Variants in TIRAP observed in about 807,000 individuals in gnomAD.
TIRAP encodes toll/interleukin-1 receptor domain-containing adapter protein.
In TIRAP, 20 loss-of-function variants were observed where a neutral mutation model predicts 19.8. That is an observed-to-expected ratio of 1.01 (90% CI 0.71 to 1.47). The LOEUF is 1.47. TIRAP is among the 40% of genes most tolerant of loss of function. The pLI is 0.00. For synonymous variants in TIRAP, 125 were observed against 121.7 expected, an observed-to-expected ratio of 1.03 and a Z score of -0.18; for missense variants, 276 against 285.1, an observed-to-expected ratio of 0.97 and a Z score of 0.23.
intron 1 of TIRAP, chr11:126,289,522 G>T (rs529873587): frequency 2.6e-6 from 1 of 383,404 alleles, no homozygotes; most frequent in Non-Finnish European, 3.6e-6. Context: ...CAGGTGATCC[G>T]CCGCCTTGGC....
Position 126,290,580 on chromosome 11 carries a change from T to C in TIRAP, c.-98T>C, listed in dbSNP as rs1408583737. On this transcript the variant is annotated 5_prime_UTR_variant, in exon 2 of 5. Coordinates refer to ENST00000392679, the MANE Select transcript of TIRAP (RefSeq NM_001318777.2). This position sits in a 1 kb window ranked among gnomAD's most constrained non-coding sequence, Gnocchi z 4.9. ...TCCTCAGCTGGTCATGCTGAGCTCA[T>C]ACCCTGTAAGTCTGACCACACTACA... is the stretch of plus-strand genomic sequence containing the variant. The C allele has an allele frequency of 4.5e-6, 5 of 1,099,046 alleles. No individual in the cohort carries two copies. Among genetic ancestry groups the C allele is most frequent in the South Asian group, 3.5e-5 (1 of 28,344 alleles). 68.1% of individuals were successfully genotyped at this position (1,099,046 alleles called of 1,614,324 possible). A position where few individuals can be genotyped will look rare whatever the true frequency, so the allele number is the denominator to read the frequency against.
chr11:126,290,706 G>T lies in TIRAP; in HGVS notation c.-92-97G>T. On this transcript the variant is annotated intron_variant, in intron 2 of 4. Coordinates refer to ENST00000392679, the MANE Select transcript of TIRAP (RefSeq NM_001318777.2). The surrounding 1 kb of genome is among the most constrained non-coding windows in gnomAD (Gnocchi z 4.9). ...CATTTAGAGAAGAAGCCTCTGTCAG[G>T]CATTAGGAGAGAAACAGAACTTCGC... 1.5e-6 allele frequency: 2 copies of T among 1,375,076 alleles called. No individual in the cohort carries two copies. The highest frequency in any genetic ancestry group is 1.9e-6 in the Non-Finnish European group (2 of 1,067,576). 85.2% of individuals were successfully genotyped at this position (1,375,076 alleles called of 1,614,324 possible).
chr11:126,288,308 T>C lies in TIRAP; in HGVS notation c.-216-2154T>C. 6.6e-6 allele frequency: 1 copy of C among 152,256 alleles called. No homozygotes were observed. Among genetic ancestry groups the C allele is most frequent in the Non-Finnish European group, 1.5e-5 (1 of 68,050 alleles). The allele number at this position is 152,256 out of a possible 1,614,324, so 9.4% of individuals were successfully genotyped here. A position where few individuals can be genotyped will look rare whatever the true frequency, so the allele number is the denominator to read the frequency against. On this transcript the variant is annotated intron_variant, in intron 1 of 4. Transcript: ENST00000392679. The surrounding 1 kb of genome is among the most constrained non-coding windows in gnomAD (Gnocchi z 5.0). ...TTAGACCACACAGCAAATCAGAGAA[T>C]AGGCAGAGCTAGTGAGTAGAGCTTC...
Position 126,285,261 on chromosome 11 carries a change from A to AT in TIRAP, c.-217+2108_-217+2109insT, listed in dbSNP as rs776825456. ...TGTGTGTGTATATATATATATATATAATATATATTTTATTTGATTTTTGAG... is the reference window on the plus strand; with the variant it reads ...TGTGTGTGTATATATATATATATATATATATATATTTTATTTGATTTTTGAG... On this transcript the variant is annotated intron_variant, in intron 1 of 4. Coordinates refer to ENST00000392679, the MANE Select transcript of TIRAP (RefSeq NM_001318777.2). 3.5e-4 allele frequency among the ~76,000 whole-genome samples: 18 copies of AT among 51,262 alleles called. No homozygotes were observed. The East Asian group carries it at 4.3e-3, about 12-fold the overall frequency. The allele number at this position is 51,262 out of a possible 152,430, so 33.6% of individuals were successfully genotyped here.
At chr11:126,293,383 G>A (rs1178199652) in intron 4 of TIRAP, 1 of 704,922 alleles carries the variant, frequency 1.4e-6, no homozygotes, top group South Asian at 1.5e-5. Flanking sequence ...AGGTCCTCAA[G>A]TTAATAGCTA....
chr11:126,291,464 G>T lies in TIRAP; in HGVS notation c.67+503G>T. 1 of 1,311,750 alleles carries T rather than the reference G, an allele frequency of 7.6e-7. No individual in the cohort carries two copies. The highest frequency in any genetic ancestry group is 1.0e-6 in the Non-Finnish European group (1 of 993,266). The allele number at this position is 1,311,750 out of a possible 1,614,324, so 81.3% of individuals were successfully genotyped here. A position where few individuals can be genotyped will look rare whatever the true frequency, so the allele number is the denominator to read the frequency against. ...ACCCTGCTGAAGAAGCCCAAGAAGA[G>T]GCCCGGCTCCCTGACATACCTGACA... On this transcript the variant is annotated intron_variant, in intron 3 of 4. Transcript: ENST00000392679. The surrounding 1 kb of genome is among the most constrained non-coding windows in gnomAD (Gnocchi z 5.6).
intron 1 of TIRAP, 36 bp downstream of exon 1, chr11:126,283,189 C>G: frequency 3.1e-6 from 3 of 965,724 alleles, no homozygotes; most frequent in Non-Finnish European, 3.7e-6. Context: ...GACCGGGAGG[C>G]GCGGCGGGGC....
At chr11:126,293,243 C>A (rs1951430842) in intron 4 of TIRAP, 188 bp downstream of exon 4, 2 of 1,038,810 alleles carry the variant, frequency 1.9e-6, no homozygotes, top group South Asian at 1.4e-5. Context: ...GTTACTCACC[C>A]GCTCTGTGCC....
Position 126,292,798 on chromosome 11 carries a change from T to C in TIRAP, c.389T>C (p.Val130Ala). ...LRDATPGGAI[V>A]SELCQALSSS... ...GATGCAACCCCAGGCGGCGCTATAG[T>C]GTCCGAGCTGTGCCAGGCACTGAGC... Residue 130 changes from valine to alanine, a missense_variant, in exon 4 of 5, where the codon GTG becomes GCG. Transcript: ENST00000392679. 3.1e-6 allele frequency: 5 copies of C among 1,612,914 alleles called. No individual in the cohort carries two copies. The highest frequency in any genetic ancestry group is 4.2e-6 in the Non-Finnish European group (5 of 1,179,814).
rs374738895 is a variant in TIRAP at position 126,290,314 on chromosome 11, T to C, written c.-216-148T>C. Reference sequence around the variant, plus strand: ...GACGGCTGCAGGGGCGATGGGTCTATGGATGGAGTTATTCAGGGGGAGGCA... The same window carrying C: ...GACGGCTGCAGGGGCGATGGGTCTACGGATGGAGTTATTCAGGGGGAGGCA... On this transcript the variant is annotated intron_variant, in intron 1 of 4. Coordinates refer to ENST00000392679, the MANE Select transcript of TIRAP (RefSeq NM_001318777.2). This position sits in a 1 kb window ranked among gnomAD's most constrained non-coding sequence, Gnocchi z 4.9. The C allele has an allele frequency of 1.6e-4, 81 of 518,142 alleles. No homozygotes were observed. In the East Asian group the frequency reaches 9.2e-3, roughly 59 times the overall value. 32.1% of individuals were successfully genotyped at this position (518,142 alleles called of 1,614,324 possible). A position where few individuals can be genotyped will look rare whatever the true frequency, so the allele number is the denominator to read the frequency against.
Position 126,291,751 on chromosome 11 carries a change from C to T in TIRAP, c.68-726C>T, listed in dbSNP as rs1383014040. 6.6e-6 allele frequency among the ~76,000 whole-genome samples: 1 copy of T among 151,904 alleles called. No homozygotes were observed. Among genetic ancestry groups the T allele is most frequent in the East Asian group, 1.9e-4 (1 of 5,192 alleles). ...ACCTCCCCTCAGTGCTGAAAGTGGGCTTTGGGACTGATGGATCCTTGCTAG... is the reference window on the plus strand; with the variant it reads ...ACCTCCCCTCAGTGCTGAAAGTGGGTTTTGGGACTGATGGATCCTTGCTAG... On this transcript the variant is annotated intron_variant, in intron 3 of 4. Transcript: ENST00000392679. This position sits in a 1 kb window ranked among gnomAD's most constrained non-coding sequence, Gnocchi z 5.6.
At chr11:126,284,212 T>A (rs111690127) in intron 1 of TIRAP, among the ~76,000 whole-genome samples, 18,263 of 151,970 alleles carry the variant, frequency 0.12, 1,120 homozygotes, top group African/African-American at 0.14. Flanking sequence ...TGTTGCATTT[T>A]CAGTAGCGAC....
intron 1 of TIRAP, 139 bp downstream of exon 1, chr11:126,283,292 C>G (rs1241334492): frequency 1.3e-5 from 4 of 319,718 alleles, no homozygotes; most frequent in Non-Finnish European, 1.4e-5. Context: ...TCTGGTCCGG[C>G]CTTGCCCTGC....
rs1037637562 is a variant in TIRAP at position 126,291,017 on chromosome 11, C to T, written c.67+56C>T. 3.7e-5 allele frequency: 57 copies of T among 1,547,898 alleles called. No individual in the cohort carries two copies. The highest frequency in any genetic ancestry group is 5.5e-5 in the African/African-American group (4 of 72,856). On this transcript the variant is annotated intron_variant, in intron 3 of 4. Transcript: ENST00000392679. This position sits in a 1 kb window ranked among gnomAD's most constrained non-coding sequence, Gnocchi z 5.6. ...TGTTCCTGAGTGTAGTGCTCAGCCT[C>T]CATAGGGCGCGGTGGGAGGCCTGCC...
rs1190943771 is a variant in TIRAP at position 126,290,856 on chromosome 11, A to G, written c.-39A>G. On this transcript the variant is annotated 5_prime_UTR_variant, in exon 3 of 5. Transcript: ENST00000392679. The surrounding 1 kb of genome is among the most constrained non-coding windows in gnomAD (Gnocchi z 4.9). ...GTCTCCTCCCTCCTCCCCCTTCACC[A>G]ATGCCTGGTCTCACGGGGCTAGTTT... 13 of 1,580,002 alleles carry G rather than the reference A, an allele frequency of 8.2e-6. No homozygotes were observed. Among genetic ancestry groups the G allele is most frequent in the Admixed American group, 1.8e-5 (1 of 55,008 alleles).
chr11:126,293,241 C>T lies in TIRAP; in HGVS notation c.646+186C>T. 7 of 1,063,414 alleles carry T rather than the reference C, an allele frequency of 6.6e-6. No individual in the cohort carries two copies. The South Asian group carries it at 9.5e-5, about 14-fold the overall frequency. The allele number at this position is 1,063,414 out of a possible 1,614,324, so 65.9% of individuals were successfully genotyped here. A position where few individuals can be genotyped will look rare whatever the true frequency, so the allele number is the denominator to read the frequency against. On this transcript the variant is annotated intron_variant, in intron 4 of 4. Transcript: ENST00000392679. ...AAAAGTAACTTGGCCAAGTTACTCA[C>T]CCGCTCTGTGCCTTGGTTTCCTCAC...
chr11:126,292,343 A>T, intron 3 of TIRAP, 134 bp from the exon 4 acceptor site: 1 of 861,780 alleles, frequency 1.2e-6, no homozygotes, highest in Non-Finnish European at 1.7e-6. Flanking sequence ...GGTCTCTGAG[A>T]ATAAGATGTT....
chr11:126,290,649 T>C lies in TIRAP; in HGVS notation c.-93+64T>C, dbSNP rs2135289286. The stretch of plus-strand genomic sequence containing the variant: ...GAATCCAGCTCCAATCACAGTCGTG[T>C]CTGGCCCTAATCTCATGAGGAATGA... On this transcript the variant is annotated intron_variant, in intron 2 of 4. Transcript: ENST00000392679. The surrounding 1 kb of genome is among the most constrained non-coding windows in gnomAD (Gnocchi z 4.9). 1.5e-6 allele frequency: 2 copies of C among 1,304,494 alleles called. No homozygotes were observed. The highest frequency in any genetic ancestry group is 2.0e-5 in the South Asian group (1 of 48,832). The allele number at this position is 1,304,494 out of a possible 1,614,324, so 80.8% of individuals were successfully genotyped here. A position where few individuals can be genotyped will look rare whatever the true frequency, so the allele number is the denominator to read the frequency against.
At chr11:126,293,459 G>T (rs755443998) in intron 4 of TIRAP, 41 of 721,644 alleles carry the variant, frequency 5.7e-5, no homozygotes, top group Non-Finnish European at 1.0e-4. Context: ...TCAAGAGCTG[G>T]GAAGGTGCCA....
Sources: gnomAD v4.1 joint callset for allele counts (sites outside exome capture counted in the v4.1 genomes callset) on GRCh38, gnomAD v4.1.1 for gene constraint, Gnocchi (gnomAD v3.1) non-coding constraint, MANE v1.5 for transcripts, NCBI Gene and HGNC (gene_info 2026-07-23, HGNC 2026-07-21) for gene names.